UBAP1: variants seen among roughly 807,000 people sequenced by gnomAD.
UBAP1 encodes the protein ubiquitin associated protein 1, also known as ubiquitin-associated protein 1.
Under a neutral mutation model 39.0 loss-of-function variants are expected in UBAP1, and 5 were observed. That is an observed-to-expected ratio of 0.13 (90% confidence interval 0.07 to 0.27). The LOEUF is 0.27. Among genes scored for constraint, UBAP1 ranks in the 10% least tolerant of loss-of-function variants. The pLI is 1.00. For synonymous variants in UBAP1, 211 were observed against 225.1 expected, an observed-to-expected ratio of 0.94 and a Z score of 0.56; for missense variants, 490 against 608.1, an observed-to-expected ratio of 0.81 and a Z score of 2.04.
intron 3 of UBAP1, 85 bp from the exon 4 acceptor site, chr9:34,241,100 C>G (rs1039642762): frequency 1.0e-5 from 10 of 980,134 alleles, no homozygotes; most frequent in Non-Finnish European, 1.4e-5. Context: ...CCTCTTGCAC[C>G]AGGAGTGAGG....
At chr9:34,226,620 G>A (rs2131593101) in intron 2 of UBAP1, among the ~76,000 whole-genome samples, 1 of 152,308 alleles carries the variant, frequency 6.6e-6, no homozygotes, top group East Asian at 1.9e-4. Flanking sequence ...GGGACAGGAG[G>A]ATTGCTTAAG....
chr9:34,223,195 C>T (rs939793688), intron 2 of UBAP1, among the ~76,000 whole-genome samples: 7 of 152,106 alleles, frequency 4.6e-5, no homozygotes, highest in Non-Finnish European at 7.4e-5. Context: ...CTTTGGGAGG[C>T]CGAGGCGGGC....
intron 1 of UBAP1, among the ~76,000 whole-genome samples, chr9:34,188,276 C>T (rs1204732538): frequency 6.6e-6 from 1 of 152,090 alleles, no homozygotes; most frequent in African/African-American, 2.4e-5. Flanking sequence ...ATTGGGAATC[C>T]GTACTTATGT....
At chr9:34,249,291 G>A (rs1228328847) in intron 4 of UBAP1, among the ~76,000 whole-genome samples, 1 of 152,208 alleles carries the variant, frequency 6.6e-6, no homozygotes, top group African/African-American at 2.4e-5. Flanking sequence ...CACAGCCTCT[G>A]CCGAAGAGTA....
chr9:34,241,171 C>G lies in UBAP1; in HGVS notation c.160-14C>G. 2.1e-6 allele frequency: 3 copies of G among 1,450,866 alleles called. No homozygotes were observed. The highest frequency in any genetic ancestry group is 2.7e-6 in the Non-Finnish European group (3 of 1,100,270). 89.9% of individuals were successfully genotyped at this position (1,450,866 alleles called of 1,614,324 possible). A position where few individuals can be genotyped will look rare whatever the true frequency, so the allele number is the denominator to read the frequency against. ...CCTGGGTTCACACCCCCTTCCTCTG[C>G]TATATCTTTGCAGTATGACTTCTCT... On this transcript the variant is annotated splice_polypyrimidine_tract_variant and intron_variant, in intron 3 of 6. Transcript: ENST00000297661.
chr9:34,195,927 G>GTTTTTTTTTTTTTTTTTTTTTTT lies in UBAP1; in HGVS notation c.-8+16702_-8+16724dup, dbSNP rs57040252. 1.4e-4 allele frequency among the ~76,000 whole-genome samples: 5 copies of GTTTTTTTTTTTTTTTTTTTTTTT among 36,156 alleles called. 2 individuals are homozygous for GTTTTTTTTTTTTTTTTTTTTTTT. Among genetic ancestry groups the GTTTTTTTTTTTTTTTTTTTTTTT allele is most frequent in the African/African-American group, 2.5e-4 (2 of 7,970 alleles). 23.7% of individuals were successfully genotyped at this position (36,156 alleles called of 152,430 possible). A position where few individuals can be genotyped will look rare whatever the true frequency, so the allele number is the denominator to read the frequency against. The stretch of plus-strand genomic sequence containing the variant: ...TTTGGATTTCTATACAAATTTTTTG[G>GTTTTTTTTTTTTTTTTTTTTTTT]TTTTTTTTTTTTTTTTTTTTTTTTT... On this transcript the variant is annotated intron_variant, in intron 1 of 6. Coordinates refer to ENST00000297661, the MANE Select transcript of UBAP1 (RefSeq NM_016525.5).
At chr9:34,184,431 A>G (rs1046414889) in intron 1 of UBAP1, among the ~76,000 whole-genome samples, 1 of 150,898 alleles carries the variant, frequency 6.6e-6, no homozygotes, top group Non-Finnish European at 1.5e-5. Context: ...GGAGATCGAG[A>G]CCATCCTGGC....
Position 34,249,879 on chromosome 9 carries a change from G to C in UBAP1, c.1184G>C (p.Cys395Ser). 1 of 1,614,220 alleles carries C rather than the reference G, an allele frequency of 6.2e-7. No individual in the cohort carries two copies. The change falls in exon 5 of 7, where the codon TGT becomes TCT. Residue 395 changes from cysteine (C) to serine (S), a missense_variant. Physicochemically the swap from Cys to Ser is moderately radical, Grantham distance 112. Transcript: ENST00000297661. ...ATGCTGTCCCCCAGCGAGCGGCAGTGTGTGGAGACGGTGGTCAACATGGGC... is the reference window on the plus strand; with the variant it reads ...ATGCTGTCCCCCAGCGAGCGGCAGTCTGTGGAGACGGTGGTCAACATGGGC... ...LQMLSPSERQCVETVVNMGYS... is the reference protein window; with the variant it reads ...LQMLSPSERQSVETVVNMGYS...
rs191160320 is a variant in UBAP1 at position 34,217,296 on chromosome 9, G to A, written c.-7-3612G>A. Among the ~76,000 whole-genome samples the A allele has an allele frequency of 1.5e-3, 228 of 152,182 alleles. 1 individual carries two copies. Among genetic ancestry groups the A allele is most frequent in the African/African-American group, 5.3e-3 (222 of 41,524 alleles). On this transcript the variant is annotated intron_variant, in intron 1 of 6. Coordinates refer to ENST00000297661, the MANE Select transcript of UBAP1 (RefSeq NM_016525.5). ...CTGTTGCCCAAGCTGGAGTGCAGTG[G>A]CATGATCTCAGCTCACTGCAGCCTC...
At chr9:34,190,436 C>T (rs1017937233) in intron 1 of UBAP1, among the ~76,000 whole-genome samples, 13 of 151,898 alleles carry the variant, frequency 8.6e-5, no homozygotes, top group African/African-American at 3.1e-4. Context: ...ATTACAGGCC[C>T]TTGCCACCAT....
chr9:34,224,476 A>G (rs759114948), intron 2 of UBAP1: 2 of 387,678 alleles, frequency 5.2e-6, no homozygotes, highest in Non-Finnish European at 9.8e-6. Flanking sequence ...ATTTCTTGTT[A>G]CCTCCTCAAA....
Position 34,235,990 on chromosome 9 carries a change from A to G in UBAP1, c.159+1650A>G, listed in dbSNP as rs1476294655. ...ATTCTCCTGCCTCAGCCTTCTAAGT[A>G]GCTGGGATTACAGGTGTGCACTACC... On this transcript the variant is annotated intron_variant, in intron 3 of 6. Coordinates refer to ENST00000297661, the MANE Select transcript of UBAP1 (RefSeq NM_016525.5). 9.9e-5 allele frequency among the ~76,000 whole-genome samples: 15 copies of G among 151,968 alleles called. No homozygotes were observed. The South Asian group carries it at 3.1e-3, about 32-fold the overall frequency.
intron 1 of UBAP1, among the ~76,000 whole-genome samples, chr9:34,181,381 G>A (rs2131478187): frequency 6.6e-6 from 1 of 151,750 alleles, no homozygotes; most frequent in South Asian, 2.1e-4. Context: ...CTCCCAGAGT[G>A]CTGGGATTAC....
chr9:34,218,155 G>C (rs1014328901), intron 1 of UBAP1, among the ~76,000 whole-genome samples: 1 of 149,504 alleles, frequency 6.7e-6, no homozygotes, highest in Non-Finnish European at 1.5e-5. Flanking sequence ...CGGAGGCTGA[G>C]GCAGGAGAAT....
chr9:34,245,757 CCCTCTTAGGGAT>C (rs1253634539), intron 4 of UBAP1, among the ~76,000 whole-genome samples: 7 of 113,828 alleles, frequency 6.1e-5, no homozygotes, highest in Non-Finnish European at 7.2e-5. Context: ...GAGTCTGAGC[CCCTCTTAGGGAT>C]CCTAATGGGC....
At position 34,241,538 on chromosome 9, in the gene UBAP1, A is replaced by G; in HGVS notation, c.513A>G (p.Leu171=). 1 of 1,614,206 alleles carries G rather than the reference A, an allele frequency of 6.2e-7. No homozygotes were observed. Among genetic ancestry groups the G allele is most frequent in the Non-Finnish European group, 8.5e-7 (1 of 1,180,030 alleles). The change falls in exon 4 of 7, where the codon TTA becomes TTG. Residue 171 remains leucine (L), a synonymous_variant. Transcript: ENST00000297661. ...AAGACCCATTTGATAATCTGGAGTT[A>G]AAAACTATTGATGAGAAGGAAGAGC... The part of the protein sequence containing the change: ...CEEDPFDNLE[L]KTIDEKEELR...
chr9:34,242,062 T>G lies in UBAP1; in HGVS notation c.1037T>G (p.Leu346Trp). ...TCCCAGATGCCTTCCCTCTCTGTTT[T>G]GTCTGTGTGCACAGAGGAATCATCA... ...TSSQMPSLSV[L>W]SVCTEESSPP... The change falls in exon 4 of 7, where the codon TTG (leucine) becomes TGG (tryptophan). Residue 346 changes from leucine (L) to tryptophan (W), a missense_variant. Leu to Trp is a moderately conservative substitution (Grantham distance 61). Around this residue, in one of 3 missense-constraint regions of UBAP1, gnomAD observed 339 missense variants for 390.0 expected, o/e 0.87. Coordinates refer to ENST00000297661, the MANE Select transcript of UBAP1 (RefSeq NM_016525.5). 6.2e-7 allele frequency: 1 copy of G among 1,613,666 alleles called. No homozygotes were observed.
chr9:34,232,398 C>G (rs7040201), intron 2 of UBAP1, among the ~76,000 whole-genome samples: 52,000 of 152,172 alleles, frequency 0.34, 9,730 homozygotes, highest in East Asian at 0.74. Flanking sequence ...AAAGGATGAC[C>G]ACACTTGGAA....
chr9:34,226,104 A>AT (rs1376153579), intron 2 of UBAP1, among the ~76,000 whole-genome samples: 157 of 36,534 alleles, frequency 4.3e-3, no homozygotes, highest in Middle Eastern at 0.014. Context: ...CTCCTACTCT[A>AT]TTGTGTGTGT....
Sources: gnomAD v4.1 joint callset for allele counts (sites outside exome capture counted in the v4.1 genomes callset) on GRCh38, gnomAD v4.1.1 for gene constraint, gnomAD v4.1.1 regional missense constraint, MANE v1.5 for transcripts, NCBI Gene and HGNC (gene_info 2026-07-23, HGNC 2026-07-21) for gene names.